FAM78B: variants seen among roughly 807,000 people sequenced by gnomAD.
FAM78B encodes family with sequence similarity 78 member B, also known as protein FAM78B.
A neutral mutation model predicts 20.0 loss-of-function variants in FAM78B; 10 were observed. The ratio of observed to expected loss-of-function variants is 0.50; its 90% CI spans 0.31 to 0.85. FAM78B has a LOEUF of 0.85. Among genes scored for constraint, FAM78B ranks in the 40% least tolerant of loss-of-function variants. The pLI is 0.05. For synonymous variants in FAM78B, 135 were observed against 132.8 expected, an observed-to-expected ratio of 1.02 and a Z score of -0.12; for missense variants, 283 against 345.0, an observed-to-expected ratio of 0.82 and a Z score of 1.42.
At chr1:166,068,361 G>GA (rs1213910578), downstream of FAM78B, among the ~76,000 whole-genome samples, 4 of 152,188 alleles carry the variant, frequency 2.6e-5, no homozygotes. Context: ...ATTTCTAAAT[G>GA]AATGTCTCCA....
At chr1:166,157,187 C>G (rs960747917) in intron 1 of FAM78B, among the ~76,000 whole-genome samples, 1 of 151,966 alleles carries the variant, frequency 6.6e-6, no homozygotes, top group Non-Finnish European at 1.5e-5. Flanking sequence ...GACCCCTCTC[C>G]AGAGTCTGAA....
downstream of FAM78B, among the ~76,000 whole-genome samples, chr1:166,056,988 G>A (rs1020724494): frequency 6.6e-6 from 1 of 152,206 alleles, no homozygotes; most frequent in Non-Finnish European, 1.5e-5. Flanking sequence ...CCACGTGAGG[G>A]CACAGCTGGA....
At chr1:166,110,186 G>A (rs560210014) in intron 1 of FAM78B, among the ~76,000 whole-genome samples, 53 of 151,380 alleles carry the variant, frequency 3.5e-4, no homozygotes, top group Admixed American at 5.9e-4. Context: ...GGTGATGGGT[G>A]CACCAAAATC....
Position 166,070,721 on chromosome 1 carries a change from T to C in FAM78B, c.306A>G (p.Lys102=). ...TCACCCCATCTGAGTCACTGATGGC[T>C]TTTACTCTCCCTTCCCTCAAGTCAG... ...ELPDLREGRV[K]AISDSDGVSY... is the part of the protein sequence containing the mutation. The change falls in exon 2 of 2, where the codon AAA becomes AAG. Residue 102 remains lysine (K), a synonymous_variant. Coordinates refer to ENST00000354422, the MANE Select transcript of FAM78B (RefSeq NM_001017961.5). 1 of 1,598,828 alleles carries C rather than the reference T, an allele frequency of 6.3e-7. No homozygotes were observed.
intron 1 of FAM78B, among the ~76,000 whole-genome samples, chr1:166,100,351 C>T (rs1653459758): frequency 6.6e-6 from 1 of 152,194 alleles, no homozygotes; most frequent in South Asian, 2.1e-4. Context: ...GGGTGCAGGA[C>T]AGTAGGTGCA....
intron 1 of FAM78B, among the ~76,000 whole-genome samples, chr1:166,123,328 G>A (rs1015225762): frequency 6.6e-6 from 1 of 152,206 alleles, no homozygotes; most frequent in Non-Finnish European, 1.5e-5. Context: ...TCGGCTCTTG[G>A]CCACCTTGCC....
Position 166,166,141 on chromosome 1 carries a change from C to G in FAM78B, c.108G>C (p.Glu36Asp). 6.2e-7 allele frequency: 1 copy of G among 1,607,998 alleles called. No homozygotes were observed. The highest frequency in any genetic ancestry group is 8.5e-7 in the Non-Finnish European group (1 of 1,177,180). Residue 36 changes from glutamate (E) to aspartate (D), a missense_variant, in exon 1 of 2, where the codon GAG becomes GAC. Physicochemically the swap from Glu to Asp is conservative, Grantham distance 45. Coordinates refer to ENST00000354422, the MANE Select transcript of FAM78B (RefSeq NM_001017961.5). ...TIDQCPTRIE[E>D]TSPIVLRYKT... Reference sequence around the variant, plus strand: ...TGTAGCGCAGGACGATGGGCGAGGTCTCCTCGATGCGCGTGGGGCACTGGT... The same window carrying G: ...TGTAGCGCAGGACGATGGGCGAGGTGTCCTCGATGCGCGTGGGGCACTGGT...
intron 1 of FAM78B, among the ~76,000 whole-genome samples, chr1:166,152,710 GCT>G (rs1557919380): frequency 6.7e-6 from 1 of 149,906 alleles, no homozygotes; most frequent in Non-Finnish European, 1.5e-5. Context: ...ATGGAATCTC[GCT>G]CTGTCACCAG....
intron 1 of FAM78B, among the ~76,000 whole-genome samples, chr1:166,152,351 A>T (rs748387381): frequency 5.9e-5 from 9 of 152,176 alleles, no homozygotes; most frequent in Non-Finnish European, 7.3e-5. Context: ...GCAGGACCAA[A>T]GGTCAAGAAT....
intron 1 of FAM78B, among the ~76,000 whole-genome samples, chr1:166,111,663 C>G (rs891197225): frequency 5.3e-5 from 8 of 152,222 alleles, no homozygotes; most frequent in Admixed American, 5.2e-4. Context: ...TAACAGAAAA[C>G]TGTCAAGTGG....
At position 166,166,056 on chromosome 1, in the gene FAM78B, T is replaced by A. The variant is rs1172428923; in HGVS notation, c.193A>T (p.Thr65Ser). 8.1e-6 allele frequency: 13 copies of A among 1,613,688 alleles called. No homozygotes were observed. Among genetic ancestry groups the A allele is most frequent in the Non-Finnish European group, 1.1e-5 (13 of 1,179,920 alleles). ...GCCTGAATCCAGCCCACCACCCAGGTCTCGTGGCGGGGGATGGGGGGCATG... is the reference window on the plus strand; with the variant it reads ...GCCTGAATCCAGCCCACCACCCAGGACTCGTGGCGGGGGATGGGGGGCATG... ...VVMPPIPRHE[T>S]WVVGWIQACN... is the part of the protein sequence containing the mutation. Residue 65 changes from threonine (T) to serine (S), a missense_variant, in exon 1 of 2, where the codon ACC becomes TCC. Coordinates refer to ENST00000354422, the MANE Select transcript of FAM78B (RefSeq NM_001017961.5).
chr1:166,152,879 T>C (rs1278071926), intron 1 of FAM78B, among the ~76,000 whole-genome samples: 2 of 152,044 alleles, frequency 1.3e-5, no homozygotes, highest in African/African-American at 4.8e-5. Flanking sequence ...GGTTTCACCA[T>C]GTTGGCCAGG....
chr1:166,139,687 T>C (rs898129869), intron 1 of FAM78B, among the ~76,000 whole-genome samples: 11 of 152,164 alleles, frequency 7.2e-5, no homozygotes, highest in Admixed American at 1.3e-4. Context: ...CATAGTTCTA[T>C]AGCTGGCAGA....
At chr1:166,114,344 C>T (rs747191445) in intron 1 of FAM78B, among the ~76,000 whole-genome samples, 4 of 152,146 alleles carry the variant, frequency 2.6e-5, no homozygotes, top group Non-Finnish European at 4.4e-5. Flanking sequence ...GTGCTGAAGC[C>T]GACTGGTTCA....
intron 1 of FAM78B, among the ~76,000 whole-genome samples, chr1:166,140,415 G>A (rs1571198695): frequency 1.3e-5 from 2 of 152,220 alleles, no homozygotes; most frequent in African/African-American, 4.8e-5. Flanking sequence ...AGAAACCATG[G>A]TCATAAATCT....
intron 1 of FAM78B, among the ~76,000 whole-genome samples, chr1:166,122,631 C>CA (rs1654503504): frequency 1.3e-5 from 2 of 152,186 alleles, no homozygotes; most frequent in Admixed American, 6.5e-5. Flanking sequence ...AATCTGGGTT[C>CA]AAATCCTCAT....
At chr1:166,074,133 C>G (rs182122287) in intron 1 of FAM78B, among the ~76,000 whole-genome samples, 3 of 152,254 alleles carry the variant, frequency 2.0e-5, no homozygotes, top group South Asian at 4.2e-4. Context: ...AAAATCCTTC[C>G]AAGGCTTTTC....
At chr1:166,146,579 G>A (rs1655463153) in intron 1 of FAM78B, among the ~76,000 whole-genome samples, 1 of 152,166 alleles carries the variant, frequency 6.6e-6, no homozygotes, top group Non-Finnish European at 1.5e-5. Context: ...TAGGCCAAGG[G>A]CAAGGGGGGT....
intron 1 of FAM78B, among the ~76,000 whole-genome samples, chr1:166,084,237 A>ACACACACACACACTCTCT (rs771421402): frequency 1.6e-5 from 2 of 125,416 alleles, no homozygotes; most frequent in East Asian, 2.3e-4. Context: ...ACACACACAC[A>ACACACACACACACTCTCT]CTCTCTCTCT....
Sources: gnomAD v4.1 joint callset for allele counts (sites outside exome capture counted in the v4.1 genomes callset) on GRCh38, gnomAD v4.1.1 for gene constraint, MANE v1.5 for transcripts, NCBI Gene and HGNC (gene_info 2026-07-23, HGNC 2026-07-21) for gene names.